The following ROS1 variants were observed in gnomAD, a reference collection of about 807,000 sequenced individuals.
ROS1 encodes proto-oncogene tyrosine-protein kinase ROS.
In ROS1, 263 loss-of-function variants were observed where a neutral mutation model predicts 273.5. The ratio of observed to expected loss-of-function variants is 0.96; its 90% CI spans 0.87 to 1.06. The LOEUF (loss-of-function observed/expected upper bound fraction) is 1.06. ROS1 is among the 50% of genes least tolerant of loss of function. The pLI, the probability that ROS1 is intolerant of heterozygous loss-of-function variation, is 0.00. For missense variants in ROS1, 2,833 were observed against 2,751.1 expected (o/e 1.03, Z -0.67); for synonymous variants, 1,008 against 954.1 (o/e 1.06, Z -1.04).
chr6:117,311,106 A>AACTTTAT lies in ROS1; in HGVS notation c.6128_6129insATAAAGT (p.Leu2044Ter). On this transcript the variant is annotated stop_gained and frameshift_variant, in exon 40 of 44. Coordinates refer to ENST00000368507, the MANE Select transcript of ROS1 (RefSeq NM_001378902.1). LOFTEE classifies it high-confidence loss of function. Reference sequence around the variant, plus strand: ...CTACAAGGTCAACCAAGGTGAGTAAAGGACCATAAAACTGTAAGAAATGAA... The same window carrying AACTTTAT: ...CTACAAGGTCAACCAAGGTGAGTAAAACTTTATGGACCATAAAACTGTAAGAAATGAA... 1 of 1,604,532 alleles carries AACTTTAT rather than the reference A, an allele frequency of 6.2e-7. No individual in the cohort carries two copies. Among genetic ancestry groups the AACTTTAT allele is most frequent in the Middle Eastern group, 1.7e-4 (1 of 6,020 alleles).
chr6:117,344,647 G>T (rs1778224619), intron 27 of ROS1, among the ~76,000 whole-genome samples: 1 of 152,118 alleles, frequency 6.6e-6, no homozygotes, highest in South Asian at 2.1e-4. Context: ...TCACTGTGGC[G>T]CACCTCTGTC....
intron 12 of ROS1, among the ~76,000 whole-genome samples, chr6:117,391,680 G>T (rs755216891): frequency 1.7e-4 from 26 of 152,134 alleles, no homozygotes; most frequent in Non-Finnish European, 2.8e-4. Flanking sequence ...TCCTATCATG[G>T]TATAGAGAGA....
chr6:117,312,937 T>C (rs1210039157), intron 39 of ROS1, among the ~76,000 whole-genome samples: 5 of 152,168 alleles, frequency 3.3e-5, no homozygotes, highest in Non-Finnish European at 7.3e-5. Context: ...ACCTCTTCCA[T>C]GAAGCCCTCT....
At chr6:117,385,163 G>C (rs1302312273) in intron 16 of ROS1, among the ~76,000 whole-genome samples, 1 of 152,178 alleles carries the variant, frequency 6.6e-6, no homozygotes, top group Non-Finnish European at 1.5e-5. Flanking sequence ...ACGCTCAGGT[G>C]AGCATTTTCA....
At chr6:117,289,634 A>C (rs1323875314) in intron 43 of ROS1, among the ~76,000 whole-genome samples, 1 of 152,218 alleles carries the variant, frequency 6.6e-6, no homozygotes, top group Non-Finnish European at 1.5e-5. Context: ...GCTGAAGAAC[A>C]AGATAGCCAA....
At position 117,329,315 on chromosome 6, in the gene ROS1, G is replaced by C. The variant is rs769543543; in HGVS notation, c.5348+14C>G. The C allele has an allele frequency of 8.6e-7, 1 of 1,161,718 alleles. No homozygotes were observed. Among genetic ancestry groups the C allele is most frequent in the South Asian group, 1.3e-5 (1 of 74,582 alleles). 72.0% of individuals were successfully genotyped at this position (1,161,718 alleles called of 1,614,324 possible). ...GTTCTTTGTCATTTACAAGTACTTT[G>C]CAAACACACATACCTTATCTCAAGG... On this transcript the variant is annotated intron_variant, in intron 33 of 43. Coordinates refer to ENST00000368507, the MANE Select transcript of ROS1 (RefSeq NM_001378902.1).
intron 26 of ROS1, 116 bp from the exon 27 acceptor site, chr6:117,353,282 T>C: frequency 4.3e-6 from 3 of 705,834 alleles, no homozygotes; most frequent in Admixed American, 6.5e-5. Context: ...ATCTATTATT[T>C]CAACATTAAA....
chr6:117,296,871 T>C (rs1180776143), intron 43 of ROS1, among the ~76,000 whole-genome samples: 1 of 152,194 alleles, frequency 6.6e-6, no homozygotes, highest in Admixed American at 6.5e-5. Flanking sequence ...CATGATGTGA[T>C]TATTACACAT....
At chr6:117,408,983 A>G (rs1362600101) in intron 5 of ROS1, among the ~76,000 whole-genome samples, 4 of 147,480 alleles carry the variant, frequency 2.7e-5, no homozygotes, top group Admixed American at 1.4e-4. Context: ...CAAACACTGC[A>G]TGTTCTCACT....
At chr6:117,320,367 T>A (rs753152062) in intron 36 of ROS1, among the ~76,000 whole-genome samples, 2 of 152,152 alleles carry the variant, frequency 1.3e-5, no homozygotes, top group African/African-American at 2.4e-5. Flanking sequence ...CCAATTTGTA[T>A]AAAAAGCTAC....
chr6:117,331,665 A>G lies in ROS1; in HGVS notation c.5231-2219T>C, dbSNP rs182593220. Among the ~76,000 whole-genome samples, 1,372 of 152,338 alleles carry G rather than the reference A, an allele frequency of 9.0e-3. 63 individuals carry two copies. The highest frequency in any genetic ancestry group is 0.083 in the Admixed American group (1,270 of 15,296). On this transcript the variant is annotated intron_variant, in intron 32 of 43. Coordinates refer to ENST00000368507, the MANE Select transcript of ROS1 (RefSeq NM_001378902.1). ...CCTCTCAACATAAACCCTACAAACC[A>G]GAAGAGATTGGGGGCCAACATCAAC...
At chr6:117,334,022 G>A (rs1777285659) in intron 32 of ROS1, among the ~76,000 whole-genome samples, 1 of 152,086 alleles carries the variant, frequency 6.6e-6, no homozygotes, top group African/African-American at 2.4e-5. Context: ...AAGAAATAAA[G>A]GGTATTCAAA....
At chr6:117,331,215 A>G (rs573938720) in intron 32 of ROS1, among the ~76,000 whole-genome samples, 3 of 152,376 alleles carry the variant, frequency 2.0e-5, no homozygotes, top group Admixed American at 1.3e-4. Flanking sequence ...CAACAGCTGA[A>G]TCGACCAAGT....
rs1266344795 is a variant in ROS1, at chr6:117,288,504, A to G, written c.7014T>C (p.Asp2338=). 3.7e-6 allele frequency: 6 copies of G among 1,612,570 alleles called. No homozygotes were observed. Among genetic ancestry groups the G allele is most frequent in the Middle Eastern group, 1.7e-4 (1 of 6,048 alleles). Residue 2338 remains aspartate (D), a synonymous_variant, in exon 44 of 44, where the codon GAT becomes GAC. Transcript: ENST00000368507. ...CCAAACAACGCTATTAATCAGACCC[A>G]TCTCCATATCCACTGTGAGTGAGAC... ...YACLTHSGYG[D]GSD is the part of the protein sequence containing the mutation.
At position 117,317,197 on chromosome 6, in the gene ROS1, T is replaced by C. The variant is rs773937780; in HGVS notation, c.6063A>G (p.Glu2021=). ...LLNEPQYIIL[E]LMEGGDLLTY... ...TAAGAAGGTCTCCTCCCTCCATCAG[T>C]TCCAGGATAATGTATTGGGGTTCAT... The change falls in exon 39 of 44, where the codon GAA becomes GAG. Residue 2021 remains glutamate (E), a synonymous_variant. Coordinates refer to ENST00000368507, the MANE Select transcript of ROS1 (RefSeq NM_001378902.1). 3.8e-5 allele frequency: 62 copies of C among 1,613,296 alleles called. 1 individual carries two copies. In the South Asian group the frequency reaches 6.5e-4, roughly 17 times the overall value.
At chr6:117,388,163 G>C in intron 13 of ROS1, 171 bp from the exon 14 acceptor site, 4 of 1,006,502 alleles carry the variant, frequency 4.0e-6, no homozygotes, top group Non-Finnish European at 5.8e-6. Flanking sequence ...GGCTAGGACA[G>C]TGTTCATTCC....
chr6:117,350,304 A>C (rs1399458435), intron 27 of ROS1, among the ~76,000 whole-genome samples: 6 of 151,904 alleles, frequency 3.9e-5, no homozygotes, highest in African/African-American at 1.4e-4. Flanking sequence ...TAAATATTTT[A>C]CTTTTCTCTC....
At position 117,325,081 on chromosome 6, in the gene ROS1, T is replaced by C. The variant is rs374087628; in HGVS notation, c.5540-666A>G. 6.6e-5 allele frequency among the ~76,000 whole-genome samples: 10 copies of C among 152,310 alleles called. No homozygotes were observed. In the East Asian group the frequency reaches 1.2e-3, roughly 18 times the overall value. ...TCTAACATATTTACTATTTGGTTCT[T>C]TTCAGAAAAAGTTTGCTGAGCTGGG... On this transcript the variant is annotated intron_variant, in intron 34 of 43. Transcript: ENST00000368507.
chr6:117,404,186 A>T (rs1266367785), intron 6 of ROS1, 94 bp downstream of exon 6: 2 of 1,170,240 alleles, frequency 1.7e-6, no homozygotes, highest in Non-Finnish European at 2.5e-6. Context: ...GCGCCACTGC[A>T]CTCCAGCCTG....
Sources: allele counts gnomAD v4.1 joint callset (sites outside exome capture counted in the v4.1 genomes callset), GRCh38; gene constraint gnomAD v4.1.1; transcripts MANE v1.5; gene names NCBI Gene and HGNC (gene_info 2026-07-23, HGNC 2026-07-21).